FMNL2: variants seen among roughly 807,000 people sequenced by gnomAD.
The protein encoded by FMNL2 is formin like 2.
FMNL2 carries 51 observed loss-of-function variants against 130.2 expected under a neutral mutation model. The ratio of observed to expected loss-of-function variants is 0.39; its 90% CI spans 0.31 to 0.49. FMNL2 has a LOEUF of 0.49. FMNL2 is among the 20% of genes least tolerant of loss of function. The pLI is 0.85. For missense variants in FMNL2, 977 were observed against 1,316.2 expected (o/e 0.74, Z 3.99); for synonymous variants, 465 against 467.1 (o/e 1.00, Z 0.06).
intron 3 of FMNL2, among the ~76,000 whole-genome samples, chr2:152,543,213 A>T (rs1694408283): frequency 6.6e-6 from 1 of 152,192 alleles, no homozygotes; most frequent in African/African-American, 2.4e-5. Context: ...GGCCTTTGTC[A>T]TCCCAGCTGT....
intron 1 of FMNL2, among the ~76,000 whole-genome samples, chr2:152,492,097 G>A (rs1691245201): frequency 6.6e-6 from 1 of 152,218 alleles, no homozygotes; most frequent in Non-Finnish European, 1.5e-5. Flanking sequence ...CATTGTTCCA[G>A]TGGAAGGAGT....
At position 152,646,167 on chromosome 2, in the gene FMNL2, A is replaced by C. The variant is rs375844544; in HGVS notation, c.3170-1629A>C. Among the ~76,000 whole-genome samples the C allele has an allele frequency of 5.4e-3, 818 of 150,238 alleles. 8 individuals carry two copies. Among genetic ancestry groups the C allele is most frequent in the African/African-American group, 0.017 (718 of 41,198 alleles). The stretch of plus-strand genomic sequence containing the variant: ...AAATCCCCATCTCTACAAAAAAAAA[A>C]AAACAAACAAACAAAGTTAGCCAGG... On this transcript the variant is annotated intron_variant, in intron 25 of 25. Coordinates refer to ENST00000288670, the MANE Select transcript of FMNL2 (RefSeq NM_052905.4).
chr2:152,422,264 T>C (rs1437348516), intron 1 of FMNL2, among the ~76,000 whole-genome samples: 1 of 152,212 alleles, frequency 6.6e-6, no homozygotes, highest in Non-Finnish European at 1.5e-5. Context: ...TCCCTCGTTC[T>C]GTGTTTTGCC....
chr2:152,511,220 G>A (rs868107061), intron 1 of FMNL2, among the ~76,000 whole-genome samples: 11 of 151,952 alleles, frequency 7.2e-5, no homozygotes, highest in South Asian at 2.1e-4. Context: ...CACTTATTCC[G>A]CCCCCACCTT....
intron 2 of FMNL2, among the ~76,000 whole-genome samples, chr2:152,529,448 C>T (rs1245709772): frequency 1.3e-5 from 2 of 152,140 alleles, no homozygotes; most frequent in African/African-American, 4.8e-5. Flanking sequence ...TTCTTGAGCT[C>T]TCCAAACCTG....
chr2:152,452,509 A>G (rs909175405), intron 1 of FMNL2, among the ~76,000 whole-genome samples: 2 of 144,072 alleles, frequency 1.4e-5, no homozygotes, highest in Admixed American at 1.4e-4. Context: ...AAGGCGAATC[A>G]ATGTGGGTTG....
At chr2:152,373,811 A>T (rs978435120) in intron 1 of FMNL2, among the ~76,000 whole-genome samples, 8 of 150,728 alleles carry the variant, frequency 5.3e-5, no homozygotes, top group African/African-American at 1.5e-4. Context: ...TTTTTTTTTT[A>T]AACTCTCAGA....
At chr2:152,369,277 A>G (rs962648159) in intron 1 of FMNL2, among the ~76,000 whole-genome samples, 4 of 152,224 alleles carry the variant, frequency 2.6e-5, no homozygotes, top group Admixed American at 6.5e-5. Flanking sequence ...TTCCTATCAC[A>G]TTTACACAAG....
chr2:152,342,659 C>A (rs932362693), intron 1 of FMNL2, among the ~76,000 whole-genome samples: 1 of 152,186 alleles, frequency 6.6e-6, no homozygotes, highest in Non-Finnish European at 1.5e-5. Flanking sequence ...CCCAGTGACC[C>A]CTTCCTCCTT....
chr2:152,393,341 C>T (rs1390892538), intron 1 of FMNL2, among the ~76,000 whole-genome samples: 1 of 152,198 alleles, frequency 6.6e-6, no homozygotes, highest in African/African-American at 2.4e-5. Context: ...GAAATTGCTA[C>T]TGGTTTTTCA....
intron 4 of FMNL2, among the ~76,000 whole-genome samples, chr2:152,556,387 T>A (rs1380815949): frequency 2.0e-5 from 3 of 152,180 alleles, no homozygotes; most frequent in African/African-American, 7.2e-5. Context: ...TGTCACACTT[T>A]AGCTGACCTT....
At chr2:152,596,959 T>G (rs576174653) in intron 9 of FMNL2, among the ~76,000 whole-genome samples, 25 of 152,360 alleles carry the variant, frequency 1.6e-4, no homozygotes, top group African/African-American at 5.8e-4. Flanking sequence ...AAAATCTATT[T>G]GCCTATATTG....
chr2:152,340,526 G>A (rs1681737463), intron 1 of FMNL2, among the ~76,000 whole-genome samples: 1 of 152,146 alleles, frequency 6.6e-6, no homozygotes, highest in Non-Finnish European at 1.5e-5. Context: ...AATTGATCTG[G>A]TCCAAAAAGG....
intron 1 of FMNL2, among the ~76,000 whole-genome samples, chr2:152,345,142 A>T (rs1682041020): frequency 6.6e-6 from 1 of 152,216 alleles, no homozygotes. Flanking sequence ...AATCAATCTT[A>T]TAAGGAACTG....
intron 18 of FMNL2, among the ~76,000 whole-genome samples, chr2:152,628,812 A>G (rs1681975116): frequency 6.6e-6 from 1 of 152,206 alleles, no homozygotes; most frequent in East Asian, 1.9e-4. Flanking sequence ...GACAGGGGAC[A>G]AAGAAACTTG....
intron 4 of FMNL2, among the ~76,000 whole-genome samples, chr2:152,551,646 A>G (rs1362405146): frequency 1.3e-5 from 2 of 152,202 alleles, no homozygotes; most frequent in Admixed American, 6.5e-5. Flanking sequence ...CAGTTACTAA[A>G]ATGAAGAATT....
chr2:152,360,249 A>C (rs1243857442), intron 1 of FMNL2, among the ~76,000 whole-genome samples: 1 of 152,220 alleles, frequency 6.6e-6, no homozygotes, highest in African/African-American at 2.4e-5. Context: ...AAGATGACTG[A>C]GAACAATTGT....
intron 1 of FMNL2, among the ~76,000 whole-genome samples, chr2:152,437,614 T>C (rs1284879127): frequency 6.6e-6 from 1 of 152,216 alleles, no homozygotes; most frequent in African/African-American, 2.4e-5. Flanking sequence ...TTTTACAGTC[T>C]ATCAGTTTGT....
At position 152,640,849 on chromosome 2, in the gene FMNL2, G is replaced by A. The variant is rs922398872; in HGVS notation, c.3104G>A (p.Arg1035Gln). 5 of 1,613,656 alleles carry A rather than the reference G, an allele frequency of 3.1e-6. No homozygotes were observed. Among genetic ancestry groups the A allele is most frequent in the Admixed American group, 3.3e-5 (2 of 59,980 alleles). ...GAGTTAATTGCAGAATTAAGAAGAC[G>A]ACAAGTTAAAGATAACAGACATGTA... ...QQELIAELRR[R>Q]QVKDNRHVYE... The change falls in exon 25 of 26, where the codon CGA becomes CAA. Residue 1035 changes from arginine to glutamine, a missense_variant. Arg to Gln is a conservative substitution (Grantham distance 43, BLOSUM62 1). Coordinates refer to ENST00000288670, the MANE Select transcript of FMNL2 (RefSeq NM_052905.4).
Sources: gnomAD v4.1 joint callset for allele counts (sites outside exome capture counted in the v4.1 genomes callset) on GRCh38, gnomAD v4.1.1 for gene constraint, MANE v1.5 for transcripts, NCBI Gene and HGNC (gene_info 2026-07-23, HGNC 2026-07-21) for gene names.